The following PTPN13 variants were observed in gnomAD, a reference collection of about 807,000 sequenced individuals.
The protein encoded by PTPN13 is protein tyrosine phosphatase non-receptor type 13, also known as tyrosine-protein phosphatase non-receptor type 13.
PTPN13 carries 191 observed loss-of-function variants against 284.0 expected under a neutral mutation model. That is an observed-to-expected ratio of 0.67 (90% CI 0.60 to 0.76). The LOEUF (loss-of-function observed/expected upper bound fraction) is 0.76, where lower values mean the gene tolerates loss of function less well. Ranked by LOEUF, PTPN13 falls within the 30% of genes least tolerant of loss-of-function variation. The pLI is 0.00. For synonymous variants in PTPN13, 986 were observed against 1,022.3 expected (o/e 0.96, Z 0.68); for missense variants, 2,797 against 2,939.9 (o/e 0.95, Z 1.12).
chr4:86,614,112 A>G (rs983188917), intron 1 of PTPN13, among the ~76,000 whole-genome samples: 14 of 152,176 alleles, frequency 9.2e-5, no homozygotes, highest in Non-Finnish European at 1.9e-4. Context: ...ATAAAATACA[A>G]TCGAATTTAT....
intron 14 of PTPN13, 67 bp from the exon 15 acceptor site, chr4:86,735,523 TAAGA>T: frequency 6.5e-7 from 1 of 1,536,390 alleles, no homozygotes; most frequent in South Asian, 1.2e-5. Flanking sequence ...GCAAGAACTT[TAAGA>T]TAGAAGGAAA....
At chr4:86,613,929 A>G (rs1251701330) in intron 1 of PTPN13, among the ~76,000 whole-genome samples, 2 of 152,118 alleles carry the variant, frequency 1.3e-5, no homozygotes, top group East Asian at 3.9e-4. Flanking sequence ...TGATCTCTGT[A>G]TTGGAAGACA....
chr4:86,684,660 T>C (rs1358032434), intron 3 of PTPN13, among the ~76,000 whole-genome samples: 2 of 152,144 alleles, frequency 1.3e-5, no homozygotes, highest in East Asian at 3.9e-4. Flanking sequence ...TTATTACATA[T>C]ATCTGACTAA....
At chr4:86,734,509 C>A in intron 13 of PTPN13, 53 bp downstream of exon 13, 1 of 1,415,476 alleles carries the variant, frequency 7.1e-7, no homozygotes, top group Non-Finnish European at 9.4e-7. Flanking sequence ...GTCTTTTGAC[C>A]CTTTAGCTTA....
intron 6 of PTPN13, among the ~76,000 whole-genome samples, 195 bp downstream of exon 6, chr4:86,693,869 A>T (rs1364920925): frequency 6.6e-6 from 1 of 152,192 alleles, no homozygotes; most frequent in Non-Finnish European, 1.5e-5. Flanking sequence ...TACAGAAAAC[A>T]TTATTAATAT....
chr4:86,634,837 G>A (rs924414042), intron 1 of PTPN13, among the ~76,000 whole-genome samples: 1 of 152,160 alleles, frequency 6.6e-6, no homozygotes, highest in Non-Finnish European at 1.5e-5. Context: ...ATGGCTGTAG[G>A]TTCTCCTCTC....
chr4:86,671,625 C>T (rs1048605113), intron 2 of PTPN13, among the ~76,000 whole-genome samples: 2 of 151,980 alleles, frequency 1.3e-5, no homozygotes, highest in Admixed American at 1.3e-4. Context: ...TCTATACAGC[C>T]AAGCATTAAA....
At chr4:86,809,263 C>A (rs780850896) in intron 45 of PTPN13, among the ~76,000 whole-genome samples, 2 of 152,078 alleles carry the variant, frequency 1.3e-5, no homozygotes, top group African/African-American at 4.8e-5. Context: ...TAGTTTTTAT[C>A]GATATTTAAA....
chr4:86,636,165 A>T (rs1565197157), intron 2 of PTPN13, among the ~76,000 whole-genome samples: 1 of 152,118 alleles, frequency 6.6e-6, no homozygotes, highest in Non-Finnish European at 1.5e-5. Context: ...AAAGTTAACC[A>T]GGTGAGAGGG....
intron 2 of PTPN13, 40 bp downstream of exon 2, chr4:86,635,411 A>G (rs751191430): frequency 5.1e-6 from 8 of 1,554,480 alleles, no homozygotes; most frequent in Middle Eastern, 1.8e-4. Flanking sequence ...TTGTTGTTTC[A>G]GTATTGGGTA....
Position 86,722,404 on chromosome 4 carries a change from A to T in PTPN13, c.1578A>T (p.Leu526=). ...ITRDPLREIA[L]ETAMTQRKLR... ...GGGATCCGTTAAGAGAAATTGCCCT[A>T]GAAACAGCCATGACTCAAAGAAAAC... The change falls in exon 10 of 48, where the codon CTA becomes CTT. Residue 526 remains leucine, a synonymous_variant. Transcript: ENST00000411767. The T allele has an allele frequency of 6.2e-7, 1 of 1,613,640 alleles. No homozygotes were observed. Among genetic ancestry groups the T allele is most frequent in the Non-Finnish European group, 8.5e-7 (1 of 1,179,622 alleles).
intron 17 of PTPN13, among the ~76,000 whole-genome samples, chr4:86,748,082 A>G (rs987692587): frequency 6.6e-6 from 1 of 152,234 alleles, no homozygotes; most frequent in Non-Finnish European, 1.5e-5. Context: ...AGATTAATCA[A>G]TTATTGAGCA....
chr4:86,750,587 G>A lies in PTPN13; in HGVS notation c.2768G>A (p.Arg923Gln), dbSNP rs199703476. The A allele has an allele frequency of 2.9e-5, 46 of 1,613,776 alleles. No individual in the cohort carries two copies. The highest frequency in any genetic ancestry group is 3.3e-4 in the Middle Eastern group (2 of 6,084). ...AGCACCCTCAACAAACTTGCTGTTCGACCTTTATCAGTTCAAGCTGAGATT... is the reference window on the plus strand; with the variant it reads ...AGCACCCTCAACAAACTTGCTGTTCAACCTTTATCAGTTCAAGCTGAGATT... ...ASSTLNKLAV[R>Q]PLSVQAEILK... Residue 923 changes from arginine (R) to glutamine (Q), a missense_variant, in exon 18 of 48, where the codon CGA (arginine) becomes CAA (glutamine). Transcript: ENST00000411767.
At chr4:86,601,722 GA>G (rs899637404) in intron 1 of PTPN13, among the ~76,000 whole-genome samples, 1 of 152,010 alleles carries the variant, frequency 6.6e-6, no homozygotes, top group African/African-American at 2.4e-5. Context: ...ACATTCAATT[GA>G]AAAAATGAAT....
chr4:86,753,108 T>G, intron 20 of PTPN13, 43 bp downstream of exon 20: 1 of 1,445,998 alleles, frequency 6.9e-7, no homozygotes, highest in Non-Finnish European at 9.7e-7. Flanking sequence ...CATCATTTCT[T>G]GTACCTTACT....
At chr4:86,724,263 T>G (rs1479571940) in intron 10 of PTPN13, among the ~76,000 whole-genome samples, 1 of 152,160 alleles carries the variant, frequency 6.6e-6, no homozygotes, top group Non-Finnish European at 1.5e-5. Context: ...TTATTACCAA[T>G]ATCTACATCA....
chr4:86,604,083 G>A (rs372969623), intron 1 of PTPN13, among the ~76,000 whole-genome samples: 5 of 151,978 alleles, frequency 3.3e-5, no homozygotes, highest in Admixed American at 2.0e-4. Flanking sequence ...ACTGAATTCA[G>A]GTAGTGTTAT....
At chr4:86,794,563 G>T (rs1481436631) in intron 40 of PTPN13, among the ~76,000 whole-genome samples, 3 of 152,052 alleles carry the variant, frequency 2.0e-5, no homozygotes, top group Admixed American at 2.0e-4. Context: ...AGTTCATATG[G>T]AACCCAAAAA....
chr4:86,634,427 C>A lies in PTPN13; in HGVS notation c.-5-825C>A, dbSNP rs187306929. ...AGGCTTATTAAGCCCCATAGAAAAT[C>A]TTAAGTTTTATCAGTATATCATCAC... On this transcript the variant is annotated intron_variant, in intron 1 of 47. Transcript: ENST00000411767. Among the ~76,000 whole-genome samples the A allele has an allele frequency of 5.1e-4, 77 of 152,268 alleles. 1 individual carries two copies. The highest frequency in any genetic ancestry group is 1.8e-3 in the Admixed American group (27 of 15,286).
Sources: gnomAD v4.1 joint callset for allele counts (sites outside exome capture counted in the v4.1 genomes callset) on GRCh38, gnomAD v4.1.1 for gene constraint, MANE v1.5 for transcripts, NCBI Gene and HGNC (gene_info 2026-07-23, HGNC 2026-07-21) for gene names.